The following HIP1 variants were observed in gnomAD, a reference collection of about 807,000 sequenced individuals.
The protein encoded by HIP1 is huntingtin interacting protein 1, also known as huntingtin-interacting protein 1.
A neutral mutation model predicts 147.6 loss-of-function variants in HIP1; 65 were observed. That is an observed-to-expected ratio of 0.44 (90% CI 0.36 to 0.54). The LOEUF (loss-of-function observed/expected upper bound fraction) is 0.54, where lower values mean the gene tolerates loss of function less well. HIP1 is among the 20% of genes least tolerant of loss of function. HIP1 has a pLI of 0.00. For synonymous variants in HIP1, 479 were observed against 504.0 expected, an observed-to-expected ratio of 0.95 and a Z score of 0.67; for missense variants, 1,061 against 1,299.6, an observed-to-expected ratio of 0.82 and a Z score of 2.82.
chr7:75,605,378 C>G (rs1038736148), intron 1 of HIP1, among the ~76,000 whole-genome samples: 51 of 152,192 alleles, frequency 3.4e-4, no homozygotes, highest in African/African-American at 1.2e-3. Flanking sequence ...GGAGGAGAAG[C>G]CAGGAGGCAG....
At chr7:75,698,070 C>T (rs553297737) in intron 1 of HIP1, among the ~76,000 whole-genome samples, 3 of 152,248 alleles carry the variant, frequency 2.0e-5, no homozygotes, top group South Asian at 4.1e-4. Context: ...CTCAAGTGAT[C>T]CTCCCAGCTA....
At chr7:75,545,980 A>G (rs1179450295) in intron 25 of HIP1, among the ~76,000 whole-genome samples, 1 of 152,110 alleles carries the variant, frequency 6.6e-6, no homozygotes, top group Non-Finnish European at 1.5e-5. Context: ...CAAAACAACA[A>G]AACAACAAAC....
rs1387350120 is a variant in HIP1, at chr7:75,553,455, C to T, written c.2293G>A (p.Glu765Lys). ...NCLSKIKAIG[E>K]ELLPRGLDIK... The stretch of plus-strand genomic sequence containing the variant: ...CTCAATGATACTACTCCAAGTACCT[C>T]GCCGATGGCCTTGATCTTGCTCAGG... The change falls in exon 22 of 31, where the codon GAG (glutamate) becomes AAG (lysine). Residue 765 changes from glutamate (E) to lysine (K), a missense_variant and splice_region_variant. Physicochemically the swap from Glu to Lys is moderately conservative, Grantham distance 56. Transcript: ENST00000336926. The T allele has an allele frequency of 2.1e-5, 34 of 1,613,748 alleles. No homozygotes were observed. Among genetic ancestry groups the T allele is most frequent in the Non-Finnish European group, 2.7e-5 (32 of 1,179,976 alleles).
intron 8 of HIP1, among the ~76,000 whole-genome samples, chr7:75,570,302 T>C (rs1184811509): frequency 7.3e-5 from 11 of 151,032 alleles, no homozygotes; most frequent in Non-Finnish European, 1.3e-4. Context: ...TTCTTTTTTT[T>C]TTTTTTCGAG....
chr7:75,637,988 C>CACACACACACATA (rs1228093347), intron 1 of HIP1, among the ~76,000 whole-genome samples: 4 of 48,210 alleles, frequency 8.3e-5, no homozygotes, highest in African/African-American at 3.6e-4. Flanking sequence ...CCCCCCCCCC[C>CACACACACACATA]CCCCCACACA....
chr7:75,622,218 A>G (rs376325348), intron 1 of HIP1, among the ~76,000 whole-genome samples: 2 of 152,132 alleles, frequency 1.3e-5, no homozygotes, highest in Admixed American at 6.6e-5. Context: ...TGAAGGCTGC[A>G]GTGAGCTGAG....
At position 75,557,756 on chromosome 7, in the gene HIP1, G is replaced by T. The variant is rs782452590; in HGVS notation, c.1479C>A (p.Thr493=). ...ADLLRKNAEV[T]KQVSMARQAQ... ...CTTGTCTGGCCATGGACACCTGTTT[G>T]GTCACCTCTGCATTCTGCAAAAGAA... The change falls in exon 16 of 31, where the codon ACC becomes ACA. Residue 493 remains threonine (T), a synonymous_variant. Coordinates refer to ENST00000336926, the MANE Select transcript of HIP1 (RefSeq NM_005338.7). 1.2e-6 allele frequency: 2 copies of T among 1,613,274 alleles called. No homozygotes were observed. Among genetic ancestry groups the T allele is most frequent in the Admixed American group, 1.7e-5 (1 of 59,998 alleles).
intron 1 of HIP1, among the ~76,000 whole-genome samples, chr7:75,613,756 C>T (rs1797528980): frequency 6.6e-6 from 1 of 152,190 alleles, no homozygotes; most frequent in African/African-American, 2.4e-5. Context: ...GTCTGCCTCA[C>T]CTTCTGTTGC....
chr7:75,592,224 G>A (rs1554500938), intron 3 of HIP1, 112 bp from the exon 4 acceptor site: 3 of 1,369,622 alleles, frequency 2.2e-6, no homozygotes, highest in African/African-American at 1.4e-5. Context: ...AGGCTGATGG[G>A]AGGGAGACTC....
intron 1 of HIP1, among the ~76,000 whole-genome samples, chr7:75,642,242 CA>C (rs1377667568): frequency 2.6e-5 from 4 of 151,960 alleles, no homozygotes; most frequent in Admixed American, 1.3e-4. Flanking sequence ...CAAAACAAAA[CA>C]AAAAACCCTT....
At chr7:75,648,776 G>T (rs1287555767) in intron 1 of HIP1, among the ~76,000 whole-genome samples, 1 of 152,054 alleles carries the variant, frequency 6.6e-6, no homozygotes, top group Non-Finnish European at 1.5e-5. Context: ...CCTGCCCAGA[G>T]AGCAGACCCT....
In HIP1 at chr7:75,681,497, C is replaced by CTTT. The variant is rs10546838; in HGVS notation, c.120+57301_120+57303dup. On this transcript the variant is annotated intron_variant, in intron 1 of 30. Transcript: ENST00000336926. Reference sequence around the variant, plus strand: ...CCACCCCACAGCACCACAGCACCTGCTTTTTTTTTTTTTTTTTTTTTTTTT... The same window carrying CTTT: ...CCACCCCACAGCACCACAGCACCTGCTTTTTTTTTTTTTTTTTTTTTTTTTTTT... Among the ~76,000 whole-genome samples the CTTT allele has an allele frequency of 1.4e-3, 180 of 124,228 alleles. 16 individuals are homozygous for CTTT. Among genetic ancestry groups the CTTT allele is most frequent in the African/African-American group, 3.6e-3 (125 of 34,254 alleles). 81.5% of individuals were successfully genotyped at this position (124,228 alleles called of 152,430 possible).
intron 19 of HIP1, among the ~76,000 whole-genome samples, chr7:75,555,013 C>A (rs1794935816): frequency 6.6e-6 from 1 of 151,888 alleles, no homozygotes; most frequent in South Asian, 2.1e-4. Context: ...CAAGACCAGT[C>A]TGAGCAACAA....
chr7:75,610,436 T>TC (rs1302645514), intron 1 of HIP1, among the ~76,000 whole-genome samples: 1 of 151,816 alleles, frequency 6.6e-6, no homozygotes, highest in Admixed American at 6.6e-5. Context: ...GGTCTTGAAC[T>TC]CAGGCTCAAG....
At position 75,546,970 on chromosome 7, in the gene HIP1, T is replaced by G. The variant is rs1584778093; in HGVS notation, c.2528A>C (p.Asp843Ala). Residue 843 changes from aspartate to alanine, a missense_variant, in exon 25 of 31, where the codon GAC (aspartate) becomes GCC (alanine). This residue lies in a region of HIP1 where 810 missense variants were observed against 946.8 expected (regional missense o/e 0.86). Coordinates refer to ENST00000336926, the MANE Select transcript of HIP1 (RefSeq NM_005338.7). ...GCTCTCCACAATCTCTCTCTGGAGG[T>G]CCTTAGAGGCCACGATGAGCACCTG... is the stretch of plus-strand genomic sequence containing the variant. ...AIQVLIVASK[D>A]LQREIVESGR... 1 of 1,580,946 alleles carries G rather than the reference T, an allele frequency of 6.3e-7. No homozygotes were observed. Among genetic ancestry groups the G allele is most frequent in the East Asian group, 2.3e-5 (1 of 44,006 alleles).
chr7:75,620,484 C>T (rs1404594011), intron 1 of HIP1, among the ~76,000 whole-genome samples: 1 of 150,798 alleles, frequency 6.6e-6, no homozygotes, highest in Admixed American at 6.6e-5. Flanking sequence ...GTCAGAAGTT[C>T]GAGACCAGCC....
Position 75,568,093 on chromosome 7 carries a change from G to T in HIP1, c.803+106C>A. On this transcript the variant is annotated intron_variant, in intron 9 of 30. Transcript: ENST00000336926. This position sits in a 1 kb window ranked among gnomAD's most constrained non-coding sequence, Gnocchi z 4.1. ...AGCCTCCCAAAGAGTTGGGGTTACA[G>T]GCATGAACCACTGTGTCCAGCCACC... The T allele has an allele frequency of 1.2e-6, 1 of 829,988 alleles. No homozygotes were observed. The highest frequency in any genetic ancestry group is 2.1e-6 in the Non-Finnish European group (1 of 478,646). The allele number at this position is 829,988 out of a possible 1,614,324, so 51.4% of individuals were successfully genotyped here. A position where few individuals can be genotyped will look rare whatever the true frequency, so the allele number is the denominator to read the frequency against.
intron 1 of HIP1, among the ~76,000 whole-genome samples, chr7:75,721,581 C>G (rs570627182): frequency 6.6e-6 from 1 of 152,086 alleles, no homozygotes; most frequent in East Asian, 1.9e-4. Flanking sequence ...ATGCTACAAG[C>G]TAGGCCTACT....
At chr7:75,571,827 G>A (rs1795645995) in intron 8 of HIP1, among the ~76,000 whole-genome samples, 1 of 152,102 alleles carries the variant, frequency 6.6e-6, no homozygotes, top group African/African-American at 2.4e-5. Context: ...CAAGCGATCT[G>A]CCTGCATCAG....
Sources: allele counts gnomAD v4.1 joint callset (sites outside exome capture counted in the v4.1 genomes callset), GRCh38; gene constraint gnomAD v4.1.1; regional missense constraint gnomAD v4.1.1; non-coding constraint Gnocchi (gnomAD v3.1); transcripts MANE v1.5; gene names NCBI Gene and HGNC (gene_info 2026-07-23, HGNC 2026-07-21).